Variants in COL9A1 observed in about 807,000 individuals in gnomAD.
The protein encoded by COL9A1 is collagen type IX alpha 1 chain.
Under a neutral mutation model 142.6 loss-of-function variants are expected in COL9A1, and 104 were observed. The ratio of observed to expected loss-of-function variants is 0.73; its 90% confidence interval spans 0.62 to 0.86. COL9A1 has a LOEUF of 0.86. COL9A1 is among the 40% of genes least tolerant of loss of function. The pLI, the probability that COL9A1 is intolerant of heterozygous loss-of-function variation, is 0.00. For synonymous variants in COL9A1, 466 were observed against 396.0 expected (o/e 1.18, Z -2.10); for missense variants, 1,210 against 1,176.6 (o/e 1.03, Z -0.42).
intron 12 of COL9A1, among the ~76,000 whole-genome samples, chr6:70,273,540 C>T (rs1036066407): frequency 2.0e-4 from 31 of 152,062 alleles, no homozygotes; most frequent in African/African-American, 7.0e-4. Flanking sequence ...GCCTAAGAAC[C>T]TGGTCCTCAT....
At chr6:70,242,087 G>A (rs1735248904) in intron 29 of COL9A1, 52 bp from the exon 30 acceptor site, 2 of 1,470,348 alleles carry the variant, frequency 1.4e-6, no homozygotes, top group Non-Finnish European at 9.3e-7. Flanking sequence ...AACACTGAAA[G>A]CACGGAAGGC....
chr6:70,269,553 A>T, intron 16 of COL9A1, 80 bp downstream of exon 16: 1 of 977,622 alleles, frequency 1.0e-6, no homozygotes. Flanking sequence ...ATTCCAGGGA[A>T]ATCTTTTAAA....
rs1432208281 is a variant in COL9A1, at chr6:70,242,677, G to A, written c.1911C>T (p.Gly637=). Residue 637 remains glycine, a synonymous_variant, in exon 29 of 38, where the codon GGC becomes GGT. Coordinates refer to ENST00000357250, the MANE Select transcript of COL9A1 (RefSeq NM_001851.6). ...RGELGPVGSP[G]LPGKLGSLGS... is the part of the protein sequence containing the mutation. ...TTCTACTTACCAGTTTACCTGGTAG[G>A]CCTGGGGATCCCACTGGTCCTAATT... The A allele has an allele frequency of 1.2e-6, 2 of 1,614,050 alleles. No individual in the cohort carries two copies. Among genetic ancestry groups the A allele is most frequent in the Non-Finnish European group, 1.7e-6 (2 of 1,179,942 alleles).
At chr6:70,224,550 A>T (rs928839328) in intron 37 of COL9A1, among the ~76,000 whole-genome samples, 3 of 152,258 alleles carry the variant, frequency 2.0e-5, no homozygotes, top group African/African-American at 7.2e-5. Flanking sequence ...TGAGAGAAGA[A>T]GGAGTTATTA....
chr6:70,234,701 A>G (rs1431067333), intron 34 of COL9A1, 93 bp downstream of exon 34: 1 of 1,604,644 alleles, frequency 6.2e-7, no homozygotes, highest in African/African-American at 1.3e-5. Flanking sequence ...TGGATTTACA[A>G]GAGAACTTGT....
intron 1 of COL9A1, among the ~76,000 whole-genome samples, 191 bp downstream of exon 1, chr6:70,302,720 C>T (rs370230018): frequency 1.2e-4 from 19 of 152,132 alleles, no homozygotes; most frequent in South Asian, 4.2e-4. Flanking sequence ...TGTCTGTCTT[C>T]GGTTTTTTGT....
intron 10 of COL9A1, among the ~76,000 whole-genome samples, chr6:70,278,090 T>C (rs1378398901): frequency 2.0e-5 from 3 of 152,230 alleles, no homozygotes; most frequent in Admixed American, 2.0e-4. Context: ...AGATGCCTCA[T>C]GTGGCTTAAA....
rs751249539 is a variant in COL9A1, at chr6:70,234,821, G to A, written c.2232C>T (p.Thr744=). 98 of 1,613,860 alleles carry A rather than the reference G, an allele frequency of 6.1e-5. No homozygotes were observed. The highest frequency in any genetic ancestry group is 7.7e-5 in the Non-Finnish European group (91 of 1,179,962). The change falls in exon 34 of 38, where the codon ACC becomes ACT. Residue 744 remains threonine (T), a synonymous_variant. Coordinates refer to ENST00000357250, the MANE Select transcript of COL9A1 (RefSeq NM_001851.6). ...GAGGGCCCTGGACACCAGGCAGGCCGGTGGCACCCTGTTCTCCCTGCACAC... is the reference window on the plus strand; with the variant it reads ...GAGGGCCCTGGACACCAGGCAGGCCAGTGGCACCCTGTTCTCCCTGCACAC... ...PRGVQGEQGA[T]GLPGVQGPPG...
chr6:70,282,971 C>T (rs1319043775), intron 6 of COL9A1, 53 bp from the exon 7 acceptor site: 7 of 1,614,136 alleles, frequency 4.3e-6, no homozygotes, highest in Non-Finnish European at 5.9e-6. Flanking sequence ...CAAACTCGAT[C>T]GCAACTTACT....
At chr6:70,279,274 T>C (rs1365435608) in intron 10 of COL9A1, among the ~76,000 whole-genome samples, 2 of 152,204 alleles carry the variant, frequency 1.3e-5, no homozygotes, top group Non-Finnish European at 1.5e-5. Flanking sequence ...CCAAAGAGTT[T>C]GATTGCCAAC....
At chr6:70,266,468 A>C (rs1401151659) in intron 18 of COL9A1, among the ~76,000 whole-genome samples, 1 of 152,214 alleles carries the variant, frequency 6.6e-6, no homozygotes. Context: ...AAGAAAAGAA[A>C]AGGTAGTGAC....
intron 36 of COL9A1, among the ~76,000 whole-genome samples, chr6:70,229,245 C>G (rs1769402959): frequency 6.6e-6 from 1 of 152,140 alleles, no homozygotes; most frequent in Non-Finnish European, 1.5e-5. Flanking sequence ...GTTCTATCGA[C>G]AAGGTTAATC....
intron 12 of COL9A1, among the ~76,000 whole-genome samples, chr6:70,272,814 T>A (rs1249272401): frequency 6.6e-6 from 1 of 152,172 alleles, no homozygotes. Flanking sequence ...GCACGGGGCC[T>A]AGCATATAAC....
chr6:70,270,923 G>T (rs1236134430), intron 14 of COL9A1, among the ~76,000 whole-genome samples: 2 of 152,138 alleles, frequency 1.3e-5, no homozygotes, highest in Non-Finnish European at 2.9e-5. Context: ...ATGAAAATGG[G>T]TTCCAATTAC....
chr6:70,261,216 A>G (rs1260060687), intron 19 of COL9A1: 1 of 156,574 alleles, frequency 6.4e-6, no homozygotes, highest in African/African-American at 2.4e-5. Flanking sequence ...TGTAGTCACT[A>G]TTCATTATAC....
At chr6:70,283,857 T>C in intron 5 of COL9A1, 37 bp from the exon 6 acceptor site, 1 of 1,467,888 alleles carries the variant, frequency 6.8e-7, no homozygotes, top group Non-Finnish European at 9.4e-7. Flanking sequence ...TAAGGTTTTT[T>C]GGACGACTGA....
At chr6:70,284,129 A>G (rs138271053) in intron 5 of COL9A1, among the ~76,000 whole-genome samples, 137 of 152,324 alleles carry the variant, frequency 9.0e-4, no homozygotes, top group African/African-American at 3.2e-3. Context: ...GACAATCTCA[A>G]GATGTAGATC....
intron 10 of COL9A1, chr6:70,280,086 A>G (rs1773048085): frequency 7.5e-6 from 5 of 665,032 alleles, no homozygotes; most frequent in Non-Finnish European, 1.4e-5. Context: ...AAGTCATTTT[A>G]CTCTGAAGAA....
At chr6:70,247,327 T>TA (rs1236387750) in intron 28 of COL9A1, among the ~76,000 whole-genome samples, 1 of 152,250 alleles carries the variant, frequency 6.6e-6, no homozygotes, top group African/African-American at 2.4e-5. Flanking sequence ...ATGGAACTGT[T>TA]AGACTTTTAA....
Sources: allele counts gnomAD v4.1 joint callset (sites outside exome capture counted in the v4.1 genomes callset), GRCh38; gene constraint gnomAD v4.1.1; transcripts MANE v1.5; gene names NCBI Gene and HGNC (gene_info 2026-07-23, HGNC 2026-07-21).